ANTXR2: variants seen among roughly 807,000 people sequenced by gnomAD.
ANTXR2 encodes ANTXR cell adhesion molecule 2.
Under a neutral mutation model 73.7 loss-of-function variants are expected in ANTXR2, and 44 were observed. The observed-to-expected ratio is 0.60, with a 90% CI of 0.47 to 0.77. The LOEUF is 0.77. Among genes scored for constraint, ANTXR2 ranks in the 30% least tolerant of loss-of-function variants. The probability of loss-of-function intolerance (pLI) is 0.00; values close to 1 mark genes in which losing one functional copy is unlikely to be tolerated. For synonymous variants in ANTXR2, 217 were observed against 205.9 expected, an observed-to-expected ratio of 1.05 and a Z score of -0.46; for missense variants, 604 against 592.5, an observed-to-expected ratio of 1.02 and a Z score of -0.20.
Position 80,058,909 on chromosome 4 carries a change from G to A in ANTXR2, c.297-2896C>T, listed in dbSNP as rs1022072875. 5.3e-5 allele frequency among the ~76,000 whole-genome samples: 8 copies of A among 151,988 alleles called. No individual in the cohort carries two copies. The South Asian group carries it at 6.2e-4, about 12-fold the overall frequency. On this transcript the variant is annotated intron_variant, in intron 3 of 16. Coordinates refer to ENST00000403729, the MANE Select transcript of ANTXR2 (RefSeq NM_058172.6). ...GTCAAGGATGCTGCTGTCATGACAC[G>A]CATCGTCCCCTATAACATTTCAAAG... is the stretch of plus-strand genomic sequence containing the variant.
chr4:79,965,137 G>A (rs1560915890), intron 16 of ANTXR2: 1 of 152,180 alleles, frequency 6.6e-6, no homozygotes, highest in Admixed American at 6.5e-5. Flanking sequence ...TCACCGTGAC[G>A]GGACTCACAG....
chr4:79,982,604 T>A (rs1729937919), intron 14 of ANTXR2, among the ~76,000 whole-genome samples: 1 of 152,186 alleles, frequency 6.6e-6, no homozygotes, highest in African/African-American at 2.4e-5. Context: ...CAACAAGAAC[T>A]TGCCTAGCCA....
rs182484674 is a variant in ANTXR2 at position 80,042,983 on chromosome 4, C to A, written c.637-6951G>T. Reference sequence around the variant, plus strand: ...GGAGGAATCCGTCTAGGCAAAATAGCTATTGGTATACACAATACTATCTGT... The same window carrying A: ...GGAGGAATCCGTCTAGGCAAAATAGATATTGGTATACACAATACTATCTGT... On this transcript the variant is annotated intron_variant, in intron 7 of 16. Transcript: ENST00000403729. Among the ~76,000 whole-genome samples the A allele has an allele frequency of 2.4e-3, 363 of 152,072 alleles. 1 individual carries two copies. Among genetic ancestry groups the A allele is most frequent in the African/African-American group, 8.2e-3 (339 of 41,506 alleles).
At chr4:80,047,999 G>A (rs560667723) in intron 7 of ANTXR2, among the ~76,000 whole-genome samples, 15 of 151,292 alleles carry the variant, frequency 9.9e-5, no homozygotes, top group African/African-American at 3.6e-4. Flanking sequence ...ATGAAATCAG[G>A]GGTTAATTAT....
In ANTXR2 at chr4:80,055,501, T is replaced by G. The variant is rs754218972; in HGVS notation, c.379-34A>C. The G allele has an allele frequency of 3.9e-6, 6 of 1,545,276 alleles. No individual in the cohort carries two copies. In the Admixed American group the frequency reaches 1.1e-4, roughly 28 times the overall value. ...GAAGAATAATTATCCAACTCACAAT[T>G]TAATTTTAACTTTTAACCAGCATGT... On this transcript the variant is annotated intron_variant, in intron 4 of 16. Transcript: ENST00000403729.
chr4:79,929,048 C>T (rs569420036), intron 16 of ANTXR2, among the ~76,000 whole-genome samples: 10 of 152,154 alleles, frequency 6.6e-5, no homozygotes, highest in African/African-American at 1.9e-4. Flanking sequence ...ATTTAGAGTG[C>T]GGGGCAAAAG....
At chr4:79,951,141 C>T (rs563377193) in intron 16 of ANTXR2, among the ~76,000 whole-genome samples, 1 of 152,134 alleles carries the variant, frequency 6.6e-6, no homozygotes, top group African/African-American at 2.4e-5. Flanking sequence ...AGTCTTAGTA[C>T]AAAATTAGAA....
chr4:80,051,908 A>C (rs1733789846), intron 7 of ANTXR2, among the ~76,000 whole-genome samples: 1 of 151,634 alleles, frequency 6.6e-6, no homozygotes, highest in Non-Finnish European at 1.5e-5. Context: ...AGGGGACCAG[A>C]CTATCTTGGT....
At chr4:79,952,093 A>C (rs944808559) in intron 16 of ANTXR2, among the ~76,000 whole-genome samples, 4 of 97,988 alleles carry the variant, frequency 4.1e-5, no homozygotes, top group Non-Finnish European at 7.5e-5. Context: ...AATTCTAGCA[A>C]ATTTTTTTAA....
rs1578145490 is a variant in ANTXR2, at chr4:80,003,132, C to T, written c.1041+5389G>A. Among the ~76,000 whole-genome samples, 6 of 152,100 alleles carry T rather than the reference C, an allele frequency of 3.9e-5. No individual in the cohort carries two copies. The South Asian group carries it at 1.2e-3, about 32-fold the overall frequency. On this transcript the variant is annotated intron_variant, in intron 12 of 16. Coordinates refer to ENST00000403729, the MANE Select transcript of ANTXR2 (RefSeq NM_058172.6). ...CACACGTATGTTTATTGCGGCACTA[C>T]ACACAATAGCAAAGACTTGGAACCA... is the stretch of plus-strand genomic sequence containing the variant.
Position 80,069,406 on chromosome 4 carries a change from A to C in ANTXR2, c.296+30T>G, listed in dbSNP as rs750637255. 2.6e-6 allele frequency: 4 copies of C among 1,516,176 alleles called. No homozygotes were observed. In the Admixed American group the frequency reaches 5.4e-5, roughly 20 times the overall value. 93.9% of individuals were successfully genotyped at this position (1,516,176 alleles called of 1,614,324 possible). On this transcript the variant is annotated intron_variant, in intron 3 of 16. Coordinates refer to ENST00000403729, the MANE Select transcript of ANTXR2 (RefSeq NM_058172.6). ...TGCCTTTAAAATTCATCTCTACTAA[A>C]AGCCTGCAGTGAAATGATAATGCAC...
At chr4:79,924,327 T>C (rs1259569474) in intron 16 of ANTXR2, among the ~76,000 whole-genome samples, 1 of 152,018 alleles carries the variant, frequency 6.6e-6, no homozygotes, top group African/African-American at 2.4e-5. Context: ...AAACATTCTT[T>C]AAAATAACGA....
At chr4:79,974,365 G>T (rs1560923001) in intron 16 of ANTXR2, among the ~76,000 whole-genome samples, 1 of 152,088 alleles carries the variant, frequency 6.6e-6, no homozygotes, top group Non-Finnish European at 1.5e-5. Context: ...ATCGACAACT[G>T]ATGTTTACTA....
In ANTXR2 at chr4:79,917,180, G is replaced by C. The variant is rs191904837; in HGVS notation, c.1429-9713C>G. 4.6e-5 allele frequency among the ~76,000 whole-genome samples: 7 copies of C among 152,274 alleles called. No homozygotes were observed. The East Asian group carries it at 1.4e-3, about 29-fold the overall frequency. ...CCACAGTATCTGAGGCTTTCTTTGA[G>C]AGCCAAGAAGTAGTCAACTGAAGGC... On this transcript the variant is annotated intron_variant, in intron 16 of 16. Coordinates refer to ENST00000403729, the MANE Select transcript of ANTXR2 (RefSeq NM_058172.6).
chr4:79,949,021 G>A (rs1728609908), intron 16 of ANTXR2, among the ~76,000 whole-genome samples: 1 of 152,014 alleles, frequency 6.6e-6, no homozygotes. Flanking sequence ...TAAATCCAGT[G>A]ACCATGCTTT....
intron 16 of ANTXR2, among the ~76,000 whole-genome samples, chr4:79,963,303 C>T (rs1360747540): frequency 6.6e-6 from 1 of 152,004 alleles, no homozygotes; most frequent in Non-Finnish European, 1.5e-5. Flanking sequence ...TTGCCTTTGA[C>T]GTTATCAGGA....
intron 3 of ANTXR2, among the ~76,000 whole-genome samples, chr4:80,065,602 T>C (rs567356667): frequency 2.0e-5 from 3 of 152,374 alleles, no homozygotes; most frequent in Admixed American, 6.5e-5. Context: ...GTTACGAGTA[T>C]ATAAAATGCA....
intron 16 of ANTXR2, among the ~76,000 whole-genome samples, chr4:79,953,748 T>A (rs1728790225): frequency 6.6e-6 from 1 of 152,108 alleles, no homozygotes; most frequent in South Asian, 2.1e-4. Context: ...AGTTTTGGCC[T>A]CTGGACAATA....
At chr4:79,916,868 A>G (rs897648586) in intron 16 of ANTXR2, among the ~76,000 whole-genome samples, 2 of 152,188 alleles carry the variant, frequency 1.3e-5, no homozygotes, top group Non-Finnish European at 2.9e-5. Context: ...TGGCATTAAC[A>G]TATGCTTAAT....
Sources: gnomAD v4.1 joint callset for allele counts (sites outside exome capture counted in the v4.1 genomes callset) on GRCh38, gnomAD v4.1.1 for gene constraint, MANE v1.5 for transcripts, NCBI Gene and HGNC (gene_info 2026-07-23, HGNC 2026-07-21) for gene names.